Variants in R3HCC1L observed in about 807,000 individuals in gnomAD.
R3HCC1L encodes the protein R3H domain and coiled-coil containing 1 like.
Under a neutral mutation model 59.9 loss-of-function variants are expected in R3HCC1L, and 51 were observed. The ratio of observed to expected loss-of-function variants is 0.85; its 90% CI spans 0.68 to 1.07. The LOEUF is 1.07. Among genes scored for constraint, R3HCC1L ranks in the 50% least tolerant of loss-of-function variants. The probability of loss-of-function intolerance (pLI) is 0.00; values close to 1 mark genes in which losing one functional copy is unlikely to be tolerated. For synonymous variants in R3HCC1L, 322 were observed against 315.2 expected (o/e 1.02, Z -0.23); for missense variants, 965 against 933.0 (o/e 1.03, Z -0.45).
Position 98,231,693 on chromosome 10 carries a change from T to C in R3HCC1L, c.1961+6T>C, listed in dbSNP as rs1856416347. Reference sequence around the variant, plus strand: ...CGGGTTTTCTGCAGTTATCAGTGAGTATGCAAATGATTGTGGATGTTAGGG... The same window carrying C: ...CGGGTTTTCTGCAGTTATCAGTGAGCATGCAAATGATTGTGGATGTTAGGG... On this transcript the variant is annotated splice_donor_region_variant and intron_variant, in intron 6 of 9. Coordinates refer to ENST00000298999, the MANE Select transcript of R3HCC1L (RefSeq NM_001351015.2). 6.3e-7 allele frequency: 1 copy of C among 1,591,150 alleles called. No homozygotes were observed. Among genetic ancestry groups the C allele is most frequent in the Non-Finnish European group, 8.6e-7 (1 of 1,166,340 alleles).
Position 98,239,841 on chromosome 10 carries a change from G to A in R3HCC1L, c.2269+3677G>A, listed in dbSNP as rs9664223. Among the ~76,000 whole-genome samples, 441 of 152,192 alleles carry A rather than the reference G, an allele frequency of 2.9e-3. 4 individuals carry two copies. Among genetic ancestry groups the A allele is most frequent in the African/African-American group, 9.5e-3 (393 of 41,532 alleles). On this transcript the variant is annotated intron_variant, in intron 9 of 9. Transcript: ENST00000298999. ...GCCTCCTGAGTAGCTGGGACTACAG[G>A]CATGTGCCACCATGCTGGCTAATTT...
chr10:98,155,730 T>G (rs1846788017), intron 1 of R3HCC1L, among the ~76,000 whole-genome samples: 1 of 151,942 alleles, frequency 6.6e-6, no homozygotes, highest in African/African-American at 2.4e-5. Flanking sequence ...CTCCTTAAGC[T>G]ATTTCTTCTG....
intron 6 of R3HCC1L, among the ~76,000 whole-genome samples, chr10:98,233,277 G>A (rs58856317): frequency 0.19 from 28,477 of 151,788 alleles, 2,795 homozygotes; most frequent in Middle Eastern, 0.21. Flanking sequence ...CTCACCTGCA[G>A]GACCATGTTT....
At chr10:98,200,472 A>G (rs891107311) in intron 4 of R3HCC1L, among the ~76,000 whole-genome samples, 10 of 152,064 alleles carry the variant, frequency 6.6e-5, no homozygotes, top group African/African-American at 2.4e-4. Flanking sequence ...GACTTTTACC[A>G]TGCCTGGCAA....
At chr10:98,202,872 A>G (rs1852206424) in intron 4 of R3HCC1L, among the ~76,000 whole-genome samples, 1 of 151,432 alleles carries the variant, frequency 6.6e-6, no homozygotes, top group Non-Finnish European at 1.5e-5. Context: ...AAAAAAAAAA[A>G]TAGAGTGGGG....
chr10:98,194,266 C>T (rs1851179600), intron 4 of R3HCC1L, among the ~76,000 whole-genome samples: 1 of 151,938 alleles, frequency 6.6e-6, no homozygotes, highest in Non-Finnish European at 1.5e-5. Flanking sequence ...GTTGGGAAAA[C>T]TGGATATCCA....
At chr10:98,141,473 T>C (rs1462438671) in intron 1 of R3HCC1L, among the ~76,000 whole-genome samples, 1 of 152,216 alleles carries the variant, frequency 6.6e-6, no homozygotes, top group Non-Finnish European at 1.5e-5. Context: ...TTTTTTCTGG[T>C]TACCTTTTGT....
intron 4 of R3HCC1L, among the ~76,000 whole-genome samples, chr10:98,178,795 A>G (rs1457867314): frequency 2.0e-5 from 3 of 152,222 alleles, no homozygotes; most frequent in Admixed American, 1.3e-4. Flanking sequence ...TGTAAGTTGG[A>G]TTCCTAGATA....
chr10:98,185,202 G>T (rs947151180), intron 4 of R3HCC1L, among the ~76,000 whole-genome samples: 1 of 151,982 alleles, frequency 6.6e-6, no homozygotes, highest in African/African-American at 2.4e-5. Flanking sequence ...CTCCAAATTT[G>T]TATTTTTGTT....
intron 5 of R3HCC1L, among the ~76,000 whole-genome samples, chr10:98,224,487 T>A (rs1274961732): frequency 6.6e-6 from 1 of 152,230 alleles, no homozygotes; most frequent in Non-Finnish European, 1.5e-5. Flanking sequence ...GTTTATAGAC[T>A]TGTTTTCAAG....
intron 1 of R3HCC1L, among the ~76,000 whole-genome samples, chr10:98,149,470 G>A (rs1012359976): frequency 6.6e-6 from 1 of 152,080 alleles, no homozygotes; most frequent in African/African-American, 2.4e-5. Flanking sequence ...CTTTTTTGAT[G>A]TAGGCATTTA....
intron 9 of R3HCC1L, 89 bp downstream of exon 9, chr10:98,236,253 A>G: frequency 6.6e-7 from 1 of 1,505,878 alleles, no homozygotes; most frequent in Non-Finnish European, 8.9e-7. Context: ...AGCCCATTCC[A>G]TTTTTGTCGT....
chr10:98,157,538 A>G (rs1847006720), intron 2 of R3HCC1L, among the ~76,000 whole-genome samples: 1 of 152,158 alleles, frequency 6.6e-6, no homozygotes, highest in Non-Finnish European at 1.5e-5. Context: ...CAGAGTTGGT[A>G]TGGCCAGTCC....
intron 4 of R3HCC1L, among the ~76,000 whole-genome samples, chr10:98,168,477 C>T (rs1328189354): frequency 6.6e-6 from 1 of 152,050 alleles, no homozygotes; most frequent in East Asian, 1.9e-4. Flanking sequence ...GTGAGAAAGA[C>T]CTTTTCATGC....
At chr10:98,183,066 A>G (rs915088984) in intron 4 of R3HCC1L, among the ~76,000 whole-genome samples, 9 of 152,274 alleles carry the variant, frequency 5.9e-5, no homozygotes, top group African/African-American at 2.2e-4. Context: ...ACCAGTCCCA[A>G]TGAGATGAAC....
At chr10:98,220,215 T>C (rs1175672044) in intron 5 of R3HCC1L, among the ~76,000 whole-genome samples, 3 of 152,090 alleles carry the variant, frequency 2.0e-5, no homozygotes, top group East Asian at 1.9e-4. Context: ...GATTTAGTTC[T>C]TCTTTATAAA....
chr10:98,208,587 A>G lies in R3HCC1L; in HGVS notation c.473A>G (p.His158Arg), dbSNP rs756948139. 1.2e-6 allele frequency: 2 copies of G among 1,614,022 alleles called. No individual in the cohort carries two copies. The highest frequency in any genetic ancestry group is 1.3e-5 in the African/African-American group (1 of 74,938). The change falls in exon 5 of 10, where the codon CAT becomes CGT. Residue 158 changes from histidine (H) to arginine (R), a missense_variant. Physicochemically the swap from His to Arg is conservative, Grantham distance 29 (BLOSUM62 0). Transcript: ENST00000298999. ...GTTGAAACTACGGATGTGACAGGAC[A>G]TGAGAGGATACTTCTTTCACAGGCC... Reference protein sequence around the residue: ...LEVETTDVTGHERILLSQACL... With the variant: ...LEVETTDVTGRERILLSQACL...
chr10:98,242,396 A>C (rs1458450557), intron 9 of R3HCC1L, among the ~76,000 whole-genome samples: 1 of 152,208 alleles, frequency 6.6e-6, no homozygotes, highest in South Asian at 2.1e-4. Flanking sequence ...TTAGAAAGGT[A>C]ATATGGTATC....
At chr10:98,183,331 CTT>C (rs35199381) in intron 4 of R3HCC1L, among the ~76,000 whole-genome samples, 70 of 138,172 alleles carry the variant, frequency 5.1e-4, no homozygotes, top group Non-Finnish European at 5.8e-4. Flanking sequence ...TGTATTGTGT[CTT>C]TTTTTTTTTT....
Sources: allele counts gnomAD v4.1 joint callset (sites outside exome capture counted in the v4.1 genomes callset), GRCh38; gene constraint gnomAD v4.1.1; transcripts MANE v1.5; gene names NCBI Gene and HGNC (gene_info 2026-07-23, HGNC 2026-07-21).